The following EHBP1 variants were observed in gnomAD, a reference collection of about 807,000 sequenced individuals.
The protein encoded by EHBP1 is EH domain binding protein 1.
In EHBP1, 55 loss-of-function variants were observed where a neutral mutation model predicts 144.0. That is an observed-to-expected ratio of 0.38 (90% CI 0.31 to 0.48). The LOEUF is 0.48. Among genes scored for constraint, EHBP1 ranks in the 20% least tolerant of loss-of-function variants. The pLI is 0.98. For synonymous variants in EHBP1, 469 were observed against 472.7 expected, an observed-to-expected ratio of 0.99 and a Z score of 0.10; for missense variants, 1,200 against 1,364.2, an observed-to-expected ratio of 0.88 and a Z score of 1.90.
intron 3 of EHBP1, among the ~76,000 whole-genome samples, chr2:62,752,678 A>G (rs949654989): frequency 6.6e-6 from 1 of 152,212 alleles, no homozygotes; most frequent in African/African-American, 2.4e-5. Context: ...CTGGGTGCAT[A>G]TATATTTAAG....
intron 7 of EHBP1, among the ~76,000 whole-genome samples, chr2:62,845,774 G>A (rs904097040): frequency 2.0e-5 from 3 of 151,514 alleles, no homozygotes; most frequent in African/African-American, 7.3e-5. Flanking sequence ...GACATGAGAG[G>A]ATCGCCTTAG....
chr2:62,943,749 C>A, intron 11 of EHBP1, 53 bp from the exon 12 acceptor site: 2 of 1,251,492 alleles, frequency 1.6e-6, no homozygotes, highest in Non-Finnish European at 1.1e-6. Context: ...GTTTTAAAAA[C>A]AGCTGTTTTT....
chr2:62,842,155 C>T lies in EHBP1; in HGVS notation c.634+10997C>T, dbSNP rs538501688. Among the ~76,000 whole-genome samples the T allele has an allele frequency of 1.1e-4, 17 of 152,036 alleles. No individual in the cohort carries two copies. The East Asian group carries it at 2.1e-3, about 19-fold the overall frequency. ...AGGCTGGAGTGCAGTGACACAGTCT[C>T]GGCTCACTGTAACTTCCACCTCCCA... On this transcript the variant is annotated intron_variant, in intron 7 of 22. Coordinates refer to ENST00000431489, the MANE Select transcript of EHBP1 (RefSeq NM_001142616.3).
chr2:63,032,904 C>T (rs2061321620), intron 19 of EHBP1, among the ~76,000 whole-genome samples: 2 of 152,134 alleles, frequency 1.3e-5, no homozygotes, highest in Admixed American at 1.3e-4. Flanking sequence ...AAAGTTTGTA[C>T]TCTTAATATT....
chr2:62,820,912 A>C (rs1414797629), intron 5 of EHBP1, among the ~76,000 whole-genome samples: 1 of 151,114 alleles, frequency 6.6e-6, no homozygotes, highest in African/African-American at 2.4e-5. Flanking sequence ...GGGGACATGC[A>C]GCTTGTAAGG....
chr2:62,722,774 G>C (rs1251450337), intron 2 of EHBP1, among the ~76,000 whole-genome samples: 1 of 152,114 alleles, frequency 6.6e-6, no homozygotes, highest in Non-Finnish European at 1.5e-5. Context: ...TCATGATTAG[G>C]TTCAGGTTAT....
At chr2:62,702,375 C>T (rs1047532588), upstream of EHBP1, among the ~76,000 whole-genome samples, 1 of 151,852 alleles carries the variant, frequency 6.6e-6, no homozygotes, top group Non-Finnish European at 1.5e-5. Flanking sequence ...CAGAGGGAGA[C>T]GATAAATCAA....
chr2:63,011,022 G>A (rs890880763), intron 19 of EHBP1, among the ~76,000 whole-genome samples: 2 of 151,014 alleles, frequency 1.3e-5, no homozygotes, highest in Admixed American at 1.3e-4. Context: ...ATAAATGAAA[G>A]TTTCTCTAAA....
intron 19 of EHBP1, among the ~76,000 whole-genome samples, chr2:63,034,068 G>A (rs1383272351): frequency 6.6e-6 from 1 of 151,818 alleles, no homozygotes; most frequent in African/African-American, 2.4e-5. Flanking sequence ...TTGTCTTGGA[G>A]GCAAAATAAA....
intron 10 of EHBP1, among the ~76,000 whole-genome samples, chr2:62,919,661 A>G (rs950273968): frequency 1.3e-5 from 2 of 152,234 alleles, no homozygotes; most frequent in Non-Finnish European, 2.9e-5. Flanking sequence ...TTCAAAGGAA[A>G]GAAACCAAGA....
chr2:62,813,497 C>T (rs2045198582), intron 5 of EHBP1, among the ~76,000 whole-genome samples: 1 of 152,162 alleles, frequency 6.6e-6, no homozygotes, highest in Non-Finnish European at 1.5e-5. Flanking sequence ...GTGATACTTA[C>T]TGGACTGTGG....
At chr2:62,913,855 A>G (rs1189761116) in intron 10 of EHBP1, among the ~76,000 whole-genome samples, 2 of 152,198 alleles carry the variant, frequency 1.3e-5, no homozygotes, top group African/African-American at 4.8e-5. Context: ...CTCAATACTT[A>G]ATTTGTAGCC....
intron 5 of EHBP1, among the ~76,000 whole-genome samples, chr2:62,807,853 G>C (rs2044637058): frequency 6.6e-6 from 1 of 152,074 alleles, no homozygotes; most frequent in Non-Finnish European, 1.5e-5. Flanking sequence ...TGTTTGTATG[G>C]TTTTTGAGAA....
chr2:62,748,180 T>A (rs1490884148), intron 3 of EHBP1, among the ~76,000 whole-genome samples: 1 of 152,146 alleles, frequency 6.6e-6, no homozygotes, highest in Admixed American at 6.5e-5. Flanking sequence ...TTATTTAGAT[T>A]ACAAGATGAC....
chr2:62,889,637 CA>C lies in EHBP1; in HGVS notation c.1185+15106del, dbSNP rs373732301. Among the ~76,000 whole-genome samples, 38 of 152,254 alleles carry C rather than the reference CA, an allele frequency of 2.5e-4. No homozygotes were observed. The East Asian group carries it at 6.6e-3, about 26-fold the overall frequency. ...TATGGCTAGCCAGTTATCACAGCAC[CA>C]TTTATTGAATAGGGAATCCTTTCTC... On this transcript the variant is annotated intron_variant, in intron 10 of 22. Coordinates refer to ENST00000431489, the MANE Select transcript of EHBP1 (RefSeq NM_001142616.3).
At chr2:62,763,598 AT>A (rs772893573) in intron 3 of EHBP1, among the ~76,000 whole-genome samples, 2 of 152,186 alleles carry the variant, frequency 1.3e-5, no homozygotes, top group Non-Finnish European at 2.9e-5. Context: ...ATGTCTTGGC[AT>A]GCCATCTTCC....
At chr2:62,751,540 A>G (rs1393458763) in intron 3 of EHBP1, among the ~76,000 whole-genome samples, 1 of 152,110 alleles carries the variant, frequency 6.6e-6, no homozygotes, top group Non-Finnish European at 1.5e-5. Flanking sequence ...TATTGATTGG[A>G]ATAGTTTCAG....
At position 62,879,870 on chromosome 2, in the gene EHBP1, A is replaced by G. The variant is rs926359590; in HGVS notation, c.1185+5338A>G. On this transcript the variant is annotated intron_variant, in intron 10 of 22. Coordinates refer to ENST00000431489, the MANE Select transcript of EHBP1 (RefSeq NM_001142616.3). ...GAAAAAAAAAACTATTCCAAAATTC[A>G]TATGGAAAAACAACAACAACAACAA... 2.6e-5 allele frequency among the ~76,000 whole-genome samples: 4 copies of G among 152,332 alleles called. No homozygotes were observed. The South Asian group carries it at 8.3e-4, about 32-fold the overall frequency.
chr2:62,798,726 C>T (rs1025555199), intron 5 of EHBP1, among the ~76,000 whole-genome samples: 3 of 151,818 alleles, frequency 2.0e-5, no homozygotes, highest in Admixed American at 6.6e-5. Context: ...ATAGGAAGGC[C>T]GGGAGCGGTG....
Sources: gnomAD v4.1 joint callset for allele counts (sites outside exome capture counted in the v4.1 genomes callset) on GRCh38, gnomAD v4.1.1 for gene constraint, MANE v1.5 for transcripts, NCBI Gene and HGNC (gene_info 2026-07-23, HGNC 2026-07-21) for gene names.